PRUNE2: variants seen among roughly 807,000 people sequenced by gnomAD.
The protein encoded by PRUNE2 is protein prune homolog 2.
In PRUNE2, 164 loss-of-function variants were observed where a neutral mutation model predicts 252.0. The ratio of observed to expected loss-of-function variants is 0.65; its 90% CI spans 0.57 to 0.74. PRUNE2 has a LOEUF of 0.74. Among genes scored for constraint, PRUNE2 ranks in the 30% least tolerant of loss-of-function variants. The pLI is 0.00. For missense variants in PRUNE2, 3,495 were observed against 3,711.0 expected (o/e 0.94, Z 1.51); for synonymous variants, 1,292 against 1,350.2 (o/e 0.96, Z 0.94).
intron 12 of PRUNE2, chr9:76,642,033 AG>A (rs1842856731): frequency 5.8e-6 from 7 of 1,210,272 alleles, no homozygotes; most frequent in Non-Finnish European, 8.0e-6. Flanking sequence ...GAAAAAGAAA[AG>A]AAACTCCTTG....
chr9:76,697,175 T>C (rs183632091), intron 9 of PRUNE2, among the ~76,000 whole-genome samples: 7 of 152,294 alleles, frequency 4.6e-5, no homozygotes, highest in African/African-American at 1.7e-4. Context: ...GTTGTGATGT[T>C]TCAAGTTTCC....
At position 76,710,182 on chromosome 9, in the gene PRUNE2, C is replaced by T; in HGVS notation, c.2092G>A (p.Ala698Thr). The T allele has an allele frequency of 1.2e-6, 2 of 1,613,900 alleles. No individual in the cohort carries two copies. Among genetic ancestry groups the T allele is most frequent in the Non-Finnish European group, 1.7e-6 (2 of 1,179,854 alleles). Residue 698 changes from alanine (A) to threonine (T), a missense_variant, in exon 8 of 19, where the codon GCC becomes ACC. Coordinates refer to ENST00000376718, the MANE Select transcript of PRUNE2 (RefSeq NM_015225.3). ...TTTGGTTGAAATACAGAATCTGAGG[C>T]TCTCCTATCAATGGAGCTTGGCTTA... ...EHKPSSIDRRASDSVFQPKSL... is the reference protein window; with the variant it reads ...EHKPSSIDRRTSDSVFQPKSL...
At chr9:76,649,231 T>C (rs526347) in intron 11 of PRUNE2, among the ~76,000 whole-genome samples, 96,232 of 152,076 alleles carry the variant, frequency 0.63, 30,868 homozygotes, top group African/African-American at 0.73. Flanking sequence ...CAATGCCACT[T>C]ATCTGTTACT....
At chr9:76,865,525 G>A (rs1011237081) in intron 1 of PRUNE2, among the ~76,000 whole-genome samples, 3 of 152,138 alleles carry the variant, frequency 2.0e-5, no homozygotes, top group Non-Finnish European at 4.4e-5. Context: ...TCAGGCCTTT[G>A]TGTCCCCAAG....
chr9:76,847,124 C>T (rs1034324459), intron 3 of PRUNE2, among the ~76,000 whole-genome samples: 2 of 151,996 alleles, frequency 1.3e-5, no homozygotes, highest in East Asian at 1.9e-4. Flanking sequence ...CAGGAGTTTA[C>T]GACCAGCCTG....
chr9:76,699,899 A>G (rs563133557), intron 9 of PRUNE2, among the ~76,000 whole-genome samples: 26 of 152,248 alleles, frequency 1.7e-4, no homozygotes, highest in African/African-American at 6.3e-4. Context: ...TACCCTGCAA[A>G]TGTTCTTTGT....
intron 15 of PRUNE2, among the ~76,000 whole-genome samples, chr9:76,636,088 C>T (rs2067501): frequency 0.05 from 7,604 of 152,226 alleles, 444 homozygotes; most frequent in East Asian, 0.16. Flanking sequence ...GCTTCTGTTT[C>T]TGCCCTTGAT....
intron 1 of PRUNE2, among the ~76,000 whole-genome samples, chr9:76,897,390 C>CTATTTTTTTTTTTTTTTTTTTTTTTT (rs1564527202): frequency 1.8e-5 from 1 of 56,252 alleles, no homozygotes. Context: ...AGGCAAACCT[C>CTATTTTTTTTTTTTTTTTTTTTTTTT]TTTTTTTTTT....
intron 6 of PRUNE2, among the ~76,000 whole-genome samples, chr9:76,799,595 G>A (rs1214904111): frequency 6.6e-6 from 1 of 152,142 alleles, no homozygotes; most frequent in East Asian, 1.9e-4. Context: ...ATCATGTTGG[G>A]TCCAGAGAAA....
intron 1 of PRUNE2, among the ~76,000 whole-genome samples, chr9:76,903,235 A>G (rs538212272): frequency 1.4e-4 from 22 of 152,340 alleles, no homozygotes; most frequent in Middle Eastern, 3.4e-3. Flanking sequence ...TGCAATTTAA[A>G]GTTCTTTTTG....
At chr9:76,692,387 C>A in intron 9 of PRUNE2, 1 of 503,682 alleles carries the variant, frequency 2.0e-6, no homozygotes, top group East Asian at 3.5e-5. Context: ...TGCTGCTACT[C>A]CTGCTCCCGA....
At chr9:76,664,794 T>A (rs2039810713) in intron 9 of PRUNE2, among the ~76,000 whole-genome samples, 1 of 152,236 alleles carries the variant, frequency 6.6e-6, no homozygotes, top group South Asian at 2.1e-4. Context: ...ATTACAGGCA[T>A]GAGCCATTGC....
chr9:76,742,625 A>G (rs1203257702), intron 6 of PRUNE2, among the ~76,000 whole-genome samples: 1 of 152,180 alleles, frequency 6.6e-6, no homozygotes, highest in African/African-American at 2.4e-5. Flanking sequence ...TCAAAAAAAA[A>G]AGAAAGAAAG....
intron 6 of PRUNE2, among the ~76,000 whole-genome samples, chr9:76,777,746 T>G (rs944408331): frequency 3.3e-5 from 5 of 152,112 alleles, no homozygotes; most frequent in African/African-American, 1.2e-4. Context: ...ATAAGGTGGA[T>G]AGAGAATATC....
rs763163443 is a variant in PRUNE2, at chr9:76,708,338, G to A, written c.3936C>T (p.His1312=). The stretch of plus-strand genomic sequence containing the variant: ...CGCCATGACCTTTCCATGGATCTGG[G>A]TGTGGAAAATACCCTGGATTCTCAA... ...TRLENPGYFP[H]PDPWKGHGDG... The change falls in exon 8 of 19, where the codon CAC becomes CAT. Residue 1312 remains histidine (H), a synonymous_variant. Coordinates refer to ENST00000376718, the MANE Select transcript of PRUNE2 (RefSeq NM_015225.3). The A allele has an allele frequency of 2.5e-6, 4 of 1,613,630 alleles. No homozygotes were observed. Among genetic ancestry groups the A allele is most frequent in the Non-Finnish European group, 3.4e-6 (4 of 1,179,882 alleles).
chr9:76,626,092 A>G (rs1276777806), intron 16 of PRUNE2, among the ~76,000 whole-genome samples: 2 of 152,234 alleles, frequency 1.3e-5, no homozygotes, highest in Admixed American at 1.3e-4. Context: ...AAGGTTATAT[A>G]TTGATTGATT....
At chr9:76,794,626 A>AAAAAG (rs1322917103) in intron 6 of PRUNE2, among the ~76,000 whole-genome samples, 7 of 144,092 alleles carry the variant, frequency 4.9e-5, no homozygotes, top group Non-Finnish European at 1.0e-4. Context: ...AAAAAAAAAA[A>AAAAAG]AAAAGAAAAG....
intron 4 of PRUNE2, among the ~76,000 whole-genome samples, chr9:76,835,437 T>C (rs1355442700): frequency 6.6e-6 from 1 of 152,146 alleles, no homozygotes; most frequent in Non-Finnish European, 1.5e-5. Context: ...TGAAGAGGTA[T>C]AAAAAGAAGC....
At chr9:76,736,355 G>A (rs1004981338) in intron 6 of PRUNE2, 1 of 152,180 alleles carries the variant, frequency 6.6e-6, no homozygotes, top group African/African-American at 2.4e-5. Flanking sequence ...AAAGAAAGAG[G>A]AAGTTCCAGT....
Sources: gnomAD v4.1 joint callset for allele counts (sites outside exome capture counted in the v4.1 genomes callset) on GRCh38, gnomAD v4.1.1 for gene constraint, MANE v1.5 for transcripts, NCBI Gene and HGNC (gene_info 2026-07-23, HGNC 2026-07-21) for gene names.